Variants in DOCK2 observed in about 807,000 individuals in gnomAD.
The protein encoded by DOCK2 is dedicator of cytokinesis 2.
In DOCK2, 87 loss-of-function variants were observed where a neutral mutation model predicts 248.9. The observed-to-expected ratio is 0.35, with a 90% CI of 0.29 to 0.42. The LOEUF is 0.42. Ranked by LOEUF, DOCK2 falls within the 10% of genes least tolerant of loss-of-function variation. The probability of loss-of-function intolerance (pLI) is 1.00; values close to 1 mark genes in which losing one functional copy is unlikely to be tolerated. For missense variants in DOCK2, 1,747 were observed against 2,300.2 expected, an observed-to-expected ratio of 0.76 and a Z score of 4.92; for synonymous variants, 805 against 821.6, an observed-to-expected ratio of 0.98 and a Z score of 0.35.
chr5:170,042,705 C>A (rs1756563504), intron 38 of DOCK2, among the ~76,000 whole-genome samples: 1 of 152,230 alleles, frequency 6.6e-6, no homozygotes, highest in African/African-American at 2.4e-5. Flanking sequence ...GCTAGGGAGG[C>A]CTTCCCTGAC....
chr5:169,646,730 G>A (rs994020326), intron 1 of DOCK2, among the ~76,000 whole-genome samples: 3 of 152,132 alleles, frequency 2.0e-5, no homozygotes, highest in African/African-American at 4.8e-5. Context: ...TTGTAATGTC[G>A]CCAAAACTCA....
intron 25 of DOCK2, 43 bp downstream of exon 25, chr5:169,761,668 TA>T (rs1269044631): frequency 1.3e-6 from 2 of 1,539,338 alleles, no homozygotes; most frequent in South Asian, 2.3e-5. Context: ...AAGGGGCCAA[TA>T]AACCCCACAT....
intron 27 of DOCK2, among the ~76,000 whole-genome samples, chr5:169,895,443 G>A (rs1394987068): frequency 2.0e-5 from 3 of 151,972 alleles, no homozygotes; most frequent in African/African-American, 7.3e-5. Flanking sequence ...CGGGGACAGG[G>A]GGTGGTCTCA....
rs147774003 is a variant in DOCK2, at chr5:170,080,183, C to T, written c.5187C>T (p.Phe1729=). The T allele has an allele frequency of 6.2e-7, 1 of 1,614,090 alleles. No individual in the cohort carries two copies. Among genetic ancestry groups the T allele is most frequent in the East Asian group, 2.2e-5 (1 of 44,882 alleles). The change falls in exon 50 of 52, where the codon TTC becomes TTT. Residue 1729 remains phenylalanine (F), a synonymous_variant. Transcript: ENST00000520908. The part of the protein sequence containing the change: ...DLKRLSRKHE[F]MSDTNLSEHA... ...TCCAGCTTTCCAGGAAGCATGAGTT[C>T]ATGAGTGACACCAACCTCTCGGAGC...
chr5:169,865,206 T>A lies in DOCK2; in HGVS notation c.2799+24354T>A, dbSNP rs113811117. On this transcript the variant is annotated intron_variant, in intron 27 of 51. Coordinates refer to ENST00000520908, the MANE Select transcript of DOCK2 (RefSeq NM_004946.3). ...TCGTTGTTGTTGTTGTTGGCTATTT[T>A]ACTTGTGTGTTTTGGTGTCATTAAC... Among the ~76,000 whole-genome samples, 66 of 152,372 alleles carry A rather than the reference T, an allele frequency of 4.3e-4. 1 individual carries two copies. The highest frequency in any genetic ancestry group is 1.4e-3 in the African/African-American group (58 of 41,590).
chr5:169,716,323 G>C (rs889606360), intron 20 of DOCK2, 21 bp downstream of exon 20: 1 of 1,610,170 alleles, frequency 6.2e-7, no homozygotes, highest in African/African-American at 1.3e-5. Flanking sequence ...GGGGAAAAGT[G>C]TCTAGTGACA....
chr5:169,777,728 A>G (rs1765463073), intron 25 of DOCK2, among the ~76,000 whole-genome samples: 1 of 152,186 alleles, frequency 6.6e-6, no homozygotes, highest in Non-Finnish European at 1.5e-5. Flanking sequence ...GTTTCCCGTG[A>G]GCATTGAATG....
At chr5:169,914,311 A>G (rs1178589785) in intron 27 of DOCK2, among the ~76,000 whole-genome samples, 2 of 152,202 alleles carry the variant, frequency 1.3e-5, no homozygotes, top group Admixed American at 6.5e-5. Flanking sequence ...TAACCCATAT[A>G]GATATTCTCT....
chr5:169,841,368 C>T (rs997444787), intron 27 of DOCK2: 13 of 987,070 alleles, frequency 1.3e-5, no homozygotes, highest in South Asian at 9.3e-5. Context: ...ATTTCTGCCC[C>T]GTCATCTGAT....
chr5:169,692,284 ATAAAAGAAGCAC>A (rs1286251018), intron 9 of DOCK2, among the ~76,000 whole-genome samples: 3 of 152,192 alleles, frequency 2.0e-5, no homozygotes, highest in Admixed American at 6.5e-5. Context: ...AGAGTGAACA[ATAAAAGAAGCAC>A]TAATGAGTTC....
In DOCK2 at chr5:169,702,144, C is replaced by T. The variant is rs577775529; in HGVS notation, c.1259-159C>T. On this transcript the variant is annotated intron_variant, in intron 13 of 51. Coordinates refer to ENST00000520908, the MANE Select transcript of DOCK2 (RefSeq NM_004946.3). ...CCCGTGTTACCTACTTCTCCAGCCT[C>T]CCTGATGAGGGAAAAATGCTTTCTC... The T allele has an allele frequency of 1.6e-5, 13 of 810,138 alleles. No homozygotes were observed. In the South Asian group the frequency reaches 2.6e-4, roughly 16 times the overall value. The allele number at this position is 810,138 out of a possible 1,614,324, so 50.2% of individuals were successfully genotyped here.
intron 39 of DOCK2, among the ~76,000 whole-genome samples, chr5:170,046,941 C>A (rs1231165454): frequency 6.6e-6 from 1 of 152,150 alleles, no homozygotes; most frequent in Non-Finnish European, 1.5e-5. Flanking sequence ...TGTGCCATGT[C>A]ATGATTCCTT....
At position 169,790,494 on chromosome 5, in the gene DOCK2, C is replaced by T. The variant is rs565490072; in HGVS notation, c.2555-12564C>T. Among the ~76,000 whole-genome samples, 7 of 152,298 alleles carry T rather than the reference C, an allele frequency of 4.6e-5. No homozygotes were observed. In the South Asian group the frequency reaches 1.2e-3, roughly 27 times the overall value. ...TATCCCAATTATTTCAATTTATACC[C>T]ACCTCTTGGAACTCAATTCTCTGAG... is the stretch of plus-strand genomic sequence containing the variant. On this transcript the variant is annotated intron_variant, in intron 25 of 51. Transcript: ENST00000520908.
chr5:169,982,609 AG>A (rs1398232233), intron 27 of DOCK2, among the ~76,000 whole-genome samples: 3 of 152,130 alleles, frequency 2.0e-5, no homozygotes, highest in Non-Finnish European at 4.4e-5. Context: ...AGGCCCCAGG[AG>A]GTGCTGGGTT....
intron 25 of DOCK2, among the ~76,000 whole-genome samples, chr5:169,778,040 G>C (rs10055817): frequency 0.097 from 14,810 of 152,210 alleles, 1,440 homozygotes; most frequent in East Asian, 0.34. Context: ...TAAGCTAACT[G>C]TAACCTAGGG....
Position 170,029,705 on chromosome 5 carries a change from C to T in DOCK2, c.3467+1757C>T, listed in dbSNP as rs1018964429. On this transcript the variant is annotated intron_variant, in intron 34 of 51. Transcript: ENST00000520908. The stretch of plus-strand genomic sequence containing the variant: ...ACATGACCCAGACATCCCCACTTCT[C>T]GCTAAGTGCATATTCTCTGATTTCT... Among the ~76,000 whole-genome samples the T allele has an allele frequency of 9.8e-5, 15 of 152,352 alleles. 1 individual carries two copies. Among genetic ancestry groups the T allele is most frequent in the Middle Eastern group, 6.8e-3 (2 of 294 alleles).
chr5:169,822,639 A>G (rs2113243634), intron 26 of DOCK2, among the ~76,000 whole-genome samples: 1 of 152,360 alleles, frequency 6.6e-6, no homozygotes, highest in African/African-American at 2.4e-5. Context: ...GGAAAATTAT[A>G]GCACTAAATG....
intron 36 of DOCK2, among the ~76,000 whole-genome samples, chr5:170,040,368 T>C (rs1274378818): frequency 6.6e-6 from 1 of 152,190 alleles, no homozygotes; most frequent in Non-Finnish European, 1.5e-5. Flanking sequence ...ATAACTGGGA[T>C]CTCACTTTTC....
chr5:169,883,612 G>A (rs758663090), intron 27 of DOCK2: 1 of 1,551,594 alleles, frequency 6.4e-7, no homozygotes, highest in Admixed American at 2.0e-5. Context: ...AGTTTGGATT[G>A]CAATGTTGCG....
Sources: gnomAD v4.1 joint callset for allele counts (sites outside exome capture counted in the v4.1 genomes callset) on GRCh38, gnomAD v4.1.1 for gene constraint, MANE v1.5 for transcripts, NCBI Gene and HGNC (gene_info 2026-07-23, HGNC 2026-07-21) for gene names.